Variants in DGKB observed in about 807,000 individuals in gnomAD.
DGKB encodes the protein diacylglycerol kinase beta.
In DGKB, 67 loss-of-function variants were observed where a neutral mutation model predicts 114.3. The observed-to-expected ratio is 0.59, with a 90% CI of 0.48 to 0.72. The LOEUF is 0.72. Ranked by LOEUF, DGKB falls within the 30% of genes least tolerant of loss-of-function variation. DGKB has a pLI of 0.00. For synonymous variants in DGKB, 398 were observed against 323.1 expected, an observed-to-expected ratio of 1.23 and a Z score of -2.49; for missense variants, 907 against 975.2, an observed-to-expected ratio of 0.93 and a Z score of 0.93.
intron 23 of DGKB, among the ~76,000 whole-genome samples, chr7:14,291,975 C>T (rs1366260126): frequency 6.6e-6 from 1 of 152,006 alleles, no homozygotes; most frequent in East Asian, 1.9e-4. Flanking sequence ...TACTGTTTAC[C>T]TCCTTTTCAA....
chr7:14,333,285 C>T lies in DGKB; in HGVS notation c.2122+5230G>A, dbSNP rs189061873. ...CATCCTGGCTAACACGGTGAAATACCCCTCTACTAAAAATACAAAAACAAA... is the reference window on the plus strand; with the variant it reads ...CATCCTGGCTAACACGGTGAAATACTCCTCTACTAAAAATACAAAAACAAA... On this transcript the variant is annotated intron_variant, in intron 23 of 25. Coordinates refer to ENST00000402815, the MANE Select transcript of DGKB (RefSeq NM_001350709.2). Among the ~76,000 whole-genome samples the T allele has an allele frequency of 3.8e-4, 57 of 151,396 alleles. 2 individuals are homozygous for T. The highest frequency in any genetic ancestry group is 3.4e-3 in the Middle Eastern group (1 of 294).
intron 21 of DGKB, among the ~76,000 whole-genome samples, chr7:14,347,274 C>A (rs766879679): frequency 6.6e-6 from 1 of 151,792 alleles, no homozygotes; most frequent in African/African-American, 2.4e-5. Flanking sequence ...TGGCTATTTT[C>A]AAAATACCTC....
chr7:14,191,592 A>G, intron 23 of DGKB: 1 of 242,740 alleles, frequency 4.1e-6, no homozygotes, highest in Non-Finnish European at 8.8e-6. Context: ...CTGAGTGGTG[A>G]CTGGGTTACC....
chr7:14,591,208 T>C (rs891507024), intron 17 of DGKB, among the ~76,000 whole-genome samples: 5 of 151,866 alleles, frequency 3.3e-5, no homozygotes, highest in East Asian at 1.9e-4. Context: ...AGTGAGAAAA[T>C]GGGGAGTGTC....
chr7:14,948,983 C>T (rs1234659376), intron 1 of DGKB, among the ~76,000 whole-genome samples: 2 of 151,284 alleles, frequency 1.3e-5, no homozygotes, highest in Non-Finnish European at 3.0e-5. Flanking sequence ...TAAAGTGAAC[C>T]CAGATGAGTG....
chr7:14,178,835 T>C (rs765786936), intron 23 of DGKB, among the ~76,000 whole-genome samples: 3 of 152,026 alleles, frequency 2.0e-5, no homozygotes, highest in Non-Finnish European at 2.9e-5. Flanking sequence ...GCAGAAGACA[T>C]TAAAAAGGGG....
chr7:14,416,986 T>C (rs142429685), intron 21 of DGKB, among the ~76,000 whole-genome samples: 94 of 152,196 alleles, frequency 6.2e-4, no homozygotes, highest in African/African-American at 2.2e-3. Context: ...GTGTAAGCAA[T>C]CCAACAATGA....
intron 1 of DGKB, among the ~76,000 whole-genome samples, chr7:14,919,619 C>G (rs1440071622): frequency 1.2e-4 from 19 of 152,124 alleles, no homozygotes; most frequent in Admixed American, 2.6e-4. Context: ...TTTCAACAGA[C>G]AAAAAGATAA....
intron 1 of DGKB, among the ~76,000 whole-genome samples, chr7:14,943,201 C>T (rs1281046299): frequency 6.6e-6 from 1 of 151,828 alleles, no homozygotes; most frequent in Non-Finnish European, 1.5e-5. Flanking sequence ...TGTGTTATAA[C>T]ATTGTTCCTA....
intron 6 of DGKB, among the ~76,000 whole-genome samples, chr7:14,706,258 A>G (rs1585838046): frequency 6.8e-6 from 1 of 147,148 alleles, no homozygotes; most frequent in East Asian, 2.0e-4. Flanking sequence ...TTCAACAAGA[A>G]GAGCTAACTA....
intron 20 of DGKB, among the ~76,000 whole-genome samples, chr7:14,528,763 G>A (rs140910239): frequency 2.6e-5 from 4 of 152,038 alleles, no homozygotes; most frequent in East Asian, 1.9e-4. Flanking sequence ...TATATCTTTC[G>A]CAAGACAGGT....
intron 20 of DGKB, among the ~76,000 whole-genome samples, chr7:14,565,255 TATC>T (rs990881542): frequency 3.3e-5 from 5 of 152,214 alleles, no homozygotes; most frequent in African/African-American, 1.2e-4. Flanking sequence ...TATGGCCCAT[TATC>T]ATCATCAGCC....
upstream of DGKB, among the ~76,000 whole-genome samples, chr7:14,908,159 CT>C: frequency 6.6e-6 from 1 of 152,124 alleles, no homozygotes; most frequent in East Asian, 1.9e-4. Context: ...CATGACCTCA[CT>C]TTATTATTTA....
At chr7:14,496,974 T>C (rs1374825965) in intron 20 of DGKB, among the ~76,000 whole-genome samples, 5 of 151,762 alleles carry the variant, frequency 3.3e-5, no homozygotes, top group Non-Finnish European at 7.4e-5. Flanking sequence ...CTTTAAAATG[T>C]GGTATAATAT....
chr7:14,438,554 A>C (rs962333133), intron 21 of DGKB, among the ~76,000 whole-genome samples: 2 of 152,172 alleles, frequency 1.3e-5, no homozygotes, highest in East Asian at 1.9e-4. Context: ...AGATACAAAC[A>C]GAAAGAAAAG....
Position 14,229,566 on chromosome 7 carries a change from G to T in DGKB, c.2123-51415C>A, listed in dbSNP as rs1469635290. On this transcript the variant is annotated intron_variant, in intron 23 of 25. Coordinates refer to ENST00000402815, the MANE Select transcript of DGKB (RefSeq NM_001350709.2). ...TAGATATGGATATATATGAACACGT[G>T]TATCTATATTTATGTCTGTAGCATT... Among the ~76,000 whole-genome samples, 3 of 152,066 alleles carry T rather than the reference G, an allele frequency of 2.0e-5. No individual in the cohort carries two copies. In the East Asian group the frequency reaches 5.8e-4, roughly 30 times the overall value.
chr7:14,931,122 T>A (rs1196596448), intron 1 of DGKB, among the ~76,000 whole-genome samples: 2 of 151,392 alleles, frequency 1.3e-5, no homozygotes, highest in Non-Finnish European at 3.0e-5. Context: ...ATTTTTTTTT[T>A]TTTTTTTGAG....
intron 6 of DGKB, among the ~76,000 whole-genome samples, chr7:14,707,106 T>C (rs1000756480): frequency 7.2e-6 from 1 of 138,410 alleles, no homozygotes; most frequent in African/African-American, 2.7e-5. Context: ...AAGAATCAAA[T>C]AGACGCAATA....
intron 2 of DGKB, among the ~76,000 whole-genome samples, chr7:14,798,451 C>A (rs192137881): frequency 1.7e-5 from 2 of 116,028 alleles, no homozygotes. Flanking sequence ...CACCACCTGG[C>A]CTTTTGAGTT....
Sources: allele counts gnomAD v4.1 joint callset (sites outside exome capture counted in the v4.1 genomes callset), GRCh38; gene constraint gnomAD v4.1.1; transcripts MANE v1.5; gene names NCBI Gene and HGNC (gene_info 2026-07-23, HGNC 2026-07-21).